The following TRPM3 variants were observed in gnomAD, a reference collection of about 807,000 sequenced individuals.
TRPM3 encodes transient receptor potential cation channel subfamily M member 3.
In TRPM3, 77 loss-of-function variants were observed where a neutral mutation model predicts 181.2. The ratio of observed to expected loss-of-function variants is 0.42; its 90% confidence interval spans 0.35 to 0.51. The LOEUF is 0.51. TRPM3 is among the 20% of genes least tolerant of loss of function. TRPM3 has a pLI of 0.01. For synonymous variants in TRPM3, 745 were observed against 796.4 expected, an observed-to-expected ratio of 0.94 and a Z score of 1.09; for missense variants, 1,759 against 2,196.7, an observed-to-expected ratio of 0.80 and a Z score of 3.98.
At chr9:70,870,441 C>T (rs2095763833) in intron 1 of TRPM3, among the ~76,000 whole-genome samples, 1 of 152,044 alleles carries the variant, frequency 6.6e-6, no homozygotes, top group African/African-American at 2.4e-5. Flanking sequence ...GTCCCTTTGC[C>T]TGTCTTCAGG....
chr9:70,954,371 GAGGAATGTGAGA>G (rs914656625), intron 1 of TRPM3, among the ~76,000 whole-genome samples: 16 of 152,124 alleles, frequency 1.1e-4, no homozygotes, highest in East Asian at 7.7e-4. Flanking sequence ...TAAGTATGTA[GAGGAATGTGAGA>G]AGGAATGTGA....
chr9:71,279,077 C>T (rs898518682), intron 1 of TRPM3, among the ~76,000 whole-genome samples: 2 of 137,484 alleles, frequency 1.5e-5, no homozygotes, highest in African/African-American at 2.7e-5. Context: ...AAACCACCAA[C>T]GACCATTTAT....
intron 1 of TRPM3, among the ~76,000 whole-genome samples, chr9:71,161,338 C>A (rs1198524292): frequency 6.6e-6 from 1 of 152,094 alleles, no homozygotes; most frequent in Non-Finnish European, 1.5e-5. Context: ...CCCATGGACC[C>A]TAGAAGGTCA....
intron 1 of TRPM3, among the ~76,000 whole-genome samples, chr9:70,956,174 G>GT (rs2097068123): frequency 6.6e-6 from 1 of 152,020 alleles, no homozygotes; most frequent in South Asian, 2.1e-4. Flanking sequence ...CATGTTGGGC[G>GT]TAACAGACCA....
intron 12 of TRPM3, among the ~76,000 whole-genome samples, chr9:70,634,172 C>T (rs557099643): frequency 1.1e-4 from 17 of 152,230 alleles, no homozygotes; most frequent in East Asian, 9.7e-4. Flanking sequence ...TGCAGTGGCA[C>T]GATCTTGGCT....
intron 1 of TRPM3, among the ~76,000 whole-genome samples, chr9:70,901,489 A>G (rs12346989): frequency 0.086 from 13,117 of 152,156 alleles, 762 homozygotes; most frequent in African/African-American, 0.17. Context: ...TTTGGTCATC[A>G]GCATAACAGA....
chr9:70,596,161 A>G (rs2058980451), intron 21 of TRPM3, among the ~76,000 whole-genome samples: 1 of 152,210 alleles, frequency 6.6e-6, no homozygotes, highest in African/African-American at 2.4e-5. Flanking sequence ...AATTACAACA[A>G]TAACCCTATA....
chr9:70,571,775 A>G (rs908462342), intron 22 of TRPM3, among the ~76,000 whole-genome samples: 1 of 152,134 alleles, frequency 6.6e-6, no homozygotes. Flanking sequence ...AGTATTTGCT[A>G]TTATTATTTT....
chr9:71,087,237 C>T (rs1045666982), intron 1 of TRPM3, among the ~76,000 whole-genome samples: 8 of 151,982 alleles, frequency 5.3e-5, no homozygotes, highest in African/African-American at 1.2e-4. Context: ...AATAGCTTTT[C>T]GCCTTGCTAC....
chr9:71,046,500 C>G (rs2059456040), intron 1 of TRPM3, among the ~76,000 whole-genome samples: 1 of 152,130 alleles, frequency 6.6e-6, no homozygotes, highest in Non-Finnish European at 1.5e-5. Context: ...AGGGAAAGGG[C>G]ACTTCTATTT....
chr9:71,437,212 G>T (rs1257126566), intron 1 of TRPM3, among the ~76,000 whole-genome samples: 1 of 152,092 alleles, frequency 6.6e-6, no homozygotes, highest in African/African-American at 2.4e-5. Context: ...GGAAGTTTCT[G>T]CTTATAAAAT....
intron 1 of TRPM3, among the ~76,000 whole-genome samples, chr9:71,265,846 C>G (rs1565400548): frequency 6.6e-6 from 1 of 152,296 alleles, no homozygotes; most frequent in South Asian, 2.1e-4. Context: ...CTTTCTCTCA[C>G]CTCTTTTCCT....
At chr9:71,055,774 A>G (rs2060590168) in intron 1 of TRPM3, among the ~76,000 whole-genome samples, 1 of 152,030 alleles carries the variant, frequency 6.6e-6, no homozygotes, top group Non-Finnish European at 1.5e-5. Context: ...GAGTTCATAA[A>G]TAAATGTTGT....
intron 1 of TRPM3, among the ~76,000 whole-genome samples, chr9:70,980,067 G>GCGCACACACACACACACACACACACA (rs142852346): frequency 2.9e-5 from 4 of 137,888 alleles, no homozygotes; most frequent in African/African-American, 1.1e-4. Context: ...GCATGTGCGT[G>GCGCACACACACACACACACACACACA]CACACACACA....
intron 8 of TRPM3, among the ~76,000 whole-genome samples, chr9:70,747,419 G>A (rs940730923): frequency 1.3e-5 from 2 of 152,120 alleles, no homozygotes; most frequent in African/African-American, 2.4e-5. Flanking sequence ...TGACTGTAAG[G>A]AGATCTGTTT....
intron 1 of TRPM3, among the ~76,000 whole-genome samples, chr9:70,889,263 C>T (rs2096151278): frequency 6.6e-6 from 1 of 152,190 alleles, no homozygotes; most frequent in African/African-American, 2.4e-5. Context: ...TCCACATAGC[C>T]AGGAAACTGC....
intron 7 of TRPM3, chr9:70,774,988 T>G (rs996552841): frequency 1.3e-5 from 2 of 152,226 alleles, no homozygotes; most frequent in African/African-American, 4.8e-5. Context: ...TGTTCACTGC[T>G]CTATATAGTT....
chr9:71,218,020 T>C (rs2080003014), intron 1 of TRPM3, among the ~76,000 whole-genome samples: 1 of 152,210 alleles, frequency 6.6e-6, no homozygotes, highest in African/African-American at 2.4e-5. Flanking sequence ...TATCCATAAA[T>C]AATTTTTTCC....
intron 1 of TRPM3, among the ~76,000 whole-genome samples, chr9:71,430,432 G>A (rs1204548783): frequency 2.6e-5 from 4 of 152,160 alleles, no homozygotes; most frequent in Non-Finnish European, 2.9e-5. Flanking sequence ...AGCAGCAAAA[G>A]GCAACATGTC....
Sources: allele counts gnomAD v4.1 joint callset (sites outside exome capture counted in the v4.1 genomes callset), GRCh38; gene constraint gnomAD v4.1.1; transcripts MANE v1.5; gene names NCBI Gene and HGNC (gene_info 2026-07-23, HGNC 2026-07-21).